TFEB: variants seen among roughly 807,000 people sequenced by gnomAD.
TFEB encodes the protein T-cell transcription factor EB.
Under a neutral mutation model 48.0 loss-of-function variants are expected in TFEB, and 12 were observed. The observed-to-expected ratio is 0.25, with a 90% CI of 0.16 to 0.40. The LOEUF is 0.40. TFEB is among the 10% of genes least tolerant of loss of function. The probability of loss-of-function intolerance (pLI) is 1.00; values close to 1 mark genes in which losing one functional copy is unlikely to be tolerated. For synonymous variants in TFEB, 244 were observed against 261.4 expected, an observed-to-expected ratio of 0.93 and a Z score of 0.64; for missense variants, 509 against 640.3, an observed-to-expected ratio of 0.79 and a Z score of 2.21.
At position 41,684,650 on chromosome 6, in the gene TFEB, C is replaced by T; in HGVS notation, c.1380G>A (p.Lys460=). 1 of 1,611,198 alleles carries T rather than the reference C, an allele frequency of 6.2e-7. No homozygotes were observed. Among genetic ancestry groups the T allele is most frequent in the Non-Finnish European group, 8.5e-7 (1 of 1,178,814 alleles). ...TGAAGCTGCTCCGGCGGCTGCTGGC[C>T]TTGGAGGCCTCGGGGGACATGGTGG... ...LLSTMSPEAS[K]ASSRRSSFSM... The change falls in exon 9 of 9, where the codon AAG becomes AAA. Residue 460 remains lysine, a synonymous_variant. Transcript: ENST00000373033.
chr6:41,700,438 C>A (rs983269775), intron 1 of TFEB, among the ~76,000 whole-genome samples: 20 of 147,786 alleles, frequency 1.4e-4, no homozygotes, highest in Non-Finnish European at 2.8e-4. Context: ...TGCACTCCAG[C>A]CTGGGCGACA....
At chr6:41,706,332 C>T (rs1483985232) in intron 1 of TFEB, among the ~76,000 whole-genome samples, 1 of 152,180 alleles carries the variant, frequency 6.6e-6, no homozygotes, top group Non-Finnish European at 1.5e-5. Context: ...CTCACTTCAC[C>T]CTGTGCAGTG....
intron 4 of TFEB, among the ~76,000 whole-genome samples, chr6:41,688,395 G>A (rs140203671): frequency 5.6e-4 from 85 of 152,118 alleles, no homozygotes; most frequent in African/African-American, 2.0e-3. Flanking sequence ...AGAGATGTGA[G>A]GCAAGGCACT....
intron 1 of TFEB, among the ~76,000 whole-genome samples, chr6:41,699,996 G>T (rs1036166889): frequency 3.3e-5 from 5 of 152,140 alleles, no homozygotes; most frequent in African/African-American, 1.2e-4. Context: ...ACCCTGGCAG[G>T]TTCCCTCCGG....
At position 41,691,552 on chromosome 6, in the gene TFEB, C is replaced by T. The variant is rs1409413628; in HGVS notation, c.-22-317G>A. 18 of 554,192 alleles carry T rather than the reference C, an allele frequency of 3.2e-5. No individual in the cohort carries two copies. The highest frequency in any genetic ancestry group is 5.7e-5 in the Non-Finnish European group (17 of 298,360). The allele number at this position is 554,192 out of a possible 1,614,324, so 34.3% of individuals were successfully genotyped here. On this transcript the variant is annotated intron_variant, in intron 1 of 8. Transcript: ENST00000373033. The surrounding 1 kb of genome is among the most constrained non-coding windows in gnomAD (Gnocchi z 5.2). Reference sequence around the variant, plus strand: ...GCCCACATCCTGATCCTGTTAGATCCGACCTCATATCCACCCTCCTTTGCT... The same window carrying T: ...GCCCACATCCTGATCCTGTTAGATCTGACCTCATATCCACCCTCCTTTGCT...
At chr6:41,721,372 T>TACACACACACACAC (rs58269771) in intron 1 of TFEB, among the ~76,000 whole-genome samples, 5 of 144,798 alleles carry the variant, frequency 3.5e-5, no homozygotes, top group South Asian at 2.2e-4. Flanking sequence ...TAGGCACACA[T>TACACACACACACAC]ACACACACAC....
rs575746053 is a variant in TFEB at position 41,703,644 on chromosome 6, G to A, written c.-22-12409C>T. Among the ~76,000 whole-genome samples, 271 of 152,374 alleles carry A rather than the reference G, an allele frequency of 1.8e-3. 1 individual carries two copies. The highest frequency in any genetic ancestry group is 6.0e-3 in the African/African-American group (251 of 41,588). ...GAAGACAGTGGAGAGGGGAATGGAGGAAGAAAGGACAAAAACATCTATGAG... is the reference window on the plus strand; with the variant it reads ...GAAGACAGTGGAGAGGGGAATGGAGAAAGAAAGGACAAAAACATCTATGAG... On this transcript the variant is annotated intron_variant, in intron 1 of 8. Coordinates refer to ENST00000373033, the MANE Select transcript of TFEB (RefSeq NM_001271944.2).
Position 41,734,910 on chromosome 6 carries a change from C to T in TFEB, c.-23+440G>A, listed in dbSNP as rs550380927. ...GCACACCTCCCCTACCTCCGACCCC[C>T]TCTCAGGCATCGCCGGCCCCAGCCG... On this transcript the variant is annotated intron_variant, in intron 1 of 8. Coordinates refer to ENST00000373033, the MANE Select transcript of TFEB (RefSeq NM_001271944.2). This position sits in a 1 kb window ranked among gnomAD's most constrained non-coding sequence, Gnocchi z 4.0. The T allele has an allele frequency of 1.0e-6, 1 of 985,466 alleles. No homozygotes were observed. Among genetic ancestry groups the T allele is most frequent in the African/African-American group, 1.7e-5 (1 of 57,346 alleles). 61.0% of individuals were successfully genotyped at this position (985,466 alleles called of 1,614,324 possible). A position where few individuals can be genotyped will look rare whatever the true frequency, so the allele number is the denominator to read the frequency against.
At chr6:41,721,405 G>A (rs1460875304) in intron 1 of TFEB, among the ~76,000 whole-genome samples, 1 of 132,394 alleles carries the variant, frequency 7.6e-6, no homozygotes, top group African/African-American at 2.9e-5. Context: ...ACACACACAC[G>A]AAACATGTTC....
rs56059829 is a variant in TFEB at position 41,697,408 on chromosome 6, C to CAAAAAAAAAAAAAAAAAA, written c.-22-6191_-22-6174dup. ...GGGCAACAAGAGTGAAACTCCATCT[C>CAAAAAAAAAAAAAAAAAA]AAAAAAAAAAAAAAAAAAAGAATGA... On this transcript the variant is annotated intron_variant, in intron 1 of 8. Transcript: ENST00000373033. Among the ~76,000 whole-genome samples, 193 of 63,394 alleles carry CAAAAAAAAAAAAAAAAAA rather than the reference C, an allele frequency of 3.0e-3. 2 individuals are homozygous for CAAAAAAAAAAAAAAAAAA. Among genetic ancestry groups the CAAAAAAAAAAAAAAAAAA allele is most frequent in the African/African-American group, 7.3e-3 (84 of 11,504 alleles). 41.6% of individuals were successfully genotyped at this position (63,394 alleles called of 152,430 possible).
At chr6:41,701,535 G>A (rs1014075999) in intron 1 of TFEB, among the ~76,000 whole-genome samples, 7 of 152,202 alleles carry the variant, frequency 4.6e-5, no homozygotes, top group African/African-American at 1.4e-4. Flanking sequence ...CTTGGCAAAC[G>A]CTCCGAGTCC....
chr6:41,732,895 C>T, intron 1 of TFEB: 1 of 985,706 alleles, frequency 1.0e-6, no homozygotes, highest in Non-Finnish European at 1.2e-6. Flanking sequence ...GCTGACTGCC[C>T]TCCATCCCCA....
In TFEB at chr6:41,730,247, C is replaced by T. The variant is rs1771397380; in HGVS notation, c.-23+5103G>A. 6.6e-6 allele frequency among the ~76,000 whole-genome samples: 1 copy of T among 152,162 alleles called. No individual in the cohort carries two copies. The highest frequency in any genetic ancestry group is 1.5e-5 in the Non-Finnish European group (1 of 68,024). On this transcript the variant is annotated intron_variant, in intron 1 of 8. Transcript: ENST00000373033. This position sits in a 1 kb window ranked among gnomAD's most constrained non-coding sequence, Gnocchi z 4.1. ...CAGGCTGCAGTAAGATGGAACAGTGCCCCGGTCTCTCTGAAATGTGTGCCC... is the reference window on the plus strand; with the variant it reads ...CAGGCTGCAGTAAGATGGAACAGTGTCCCGGTCTCTCTGAAATGTGTGCCC...
At chr6:41,694,122 C>A (rs1769455406) in intron 1 of TFEB, among the ~76,000 whole-genome samples, 1 of 152,190 alleles carries the variant, frequency 6.6e-6, no homozygotes, top group Non-Finnish European at 1.5e-5. Context: ...GTTTCTCTGA[C>A]AAAGAGCTGA....
chr6:41,732,613 C>T, intron 1 of TFEB: 2 of 985,918 alleles, frequency 2.0e-6, no homozygotes, highest in Non-Finnish European at 2.4e-6. Flanking sequence ...TTACATAAAC[C>T]CCACACCAAC....
At chr6:41,696,312 G>A (rs1769580045) in intron 1 of TFEB, among the ~76,000 whole-genome samples, 1 of 152,126 alleles carries the variant, frequency 6.6e-6, no homozygotes, top group African/African-American at 2.4e-5. Flanking sequence ...GCATCCACGT[G>A]TTCACCAAAG....
At position 41,684,822 on chromosome 6, in the gene TFEB, C is replaced by T; in HGVS notation, c.1208G>A (p.Gly403Glu). The T allele has an allele frequency of 6.3e-7, 1 of 1,594,212 alleles. No individual in the cohort carries two copies. The highest frequency in any genetic ancestry group is 8.6e-7 in the Non-Finnish European group (1 of 1,168,974). The stretch of plus-strand genomic sequence containing the variant: ...CGGGGGACCCTCGTCCTCCCTGCCC[C>T]CAAAGCTCAGGCTGTGGCTGAAGTC... Reference protein sequence around the residue: ...HLDFSHSLSFGGREDEGPPGY... With the variant: ...HLDFSHSLSFEGREDEGPPGY... The change falls in exon 9 of 9, where the codon GGG (glycine) becomes GAG (glutamate). Residue 403 changes from glycine to glutamate, a missense_variant. Coordinates refer to ENST00000373033, the MANE Select transcript of TFEB (RefSeq NM_001271944.2).
chr6:41,687,722 G>A, intron 6 of TFEB, 31 bp downstream of exon 6: 1 of 1,613,960 alleles, frequency 6.2e-7, no homozygotes, highest in Non-Finnish European at 8.5e-7. Flanking sequence ...AAGGAAGAGG[G>A]AGGCAGGGAG....
chr6:41,692,365 C>T (rs1484733920), intron 1 of TFEB, among the ~76,000 whole-genome samples: 1 of 152,224 alleles, frequency 6.6e-6, no homozygotes, highest in South Asian at 2.1e-4. Flanking sequence ...GATACAACTG[C>T]AGTTCCTGAG....
Sources: allele counts gnomAD v4.1 joint callset (sites outside exome capture counted in the v4.1 genomes callset), GRCh38; gene constraint gnomAD v4.1.1; non-coding constraint Gnocchi (gnomAD v3.1); transcripts MANE v1.5; gene names NCBI Gene and HGNC (gene_info 2026-07-23, HGNC 2026-07-21).